Variants in BFSP1 observed in about 807,000 individuals in gnomAD.
The protein encoded by BFSP1 is filensin.
Under a neutral mutation model 43.9 loss-of-function variants are expected in BFSP1, and 38 were observed. That is an observed-to-expected ratio of 0.87 (90% CI 0.67 to 1.14). BFSP1 has a LOEUF of 1.14. Among genes scored for constraint, BFSP1 ranks in the 50% most tolerant of loss-of-function variants. The pLI is 0.00. For missense variants in BFSP1, 850 were observed against 875.1 expected (o/e 0.97, Z 0.36); for synonymous variants, 352 against 354.8 (o/e 0.99, Z 0.09).
At chr20:17,537,187 C>T (rs2034640994) in intron 1 of BFSP1, among the ~76,000 whole-genome samples, 1 of 152,206 alleles carries the variant, frequency 6.6e-6, no homozygotes, top group African/African-American at 2.4e-5. Flanking sequence ...AGCTTGAAGC[C>T]TTTCCACCAA....
chr20:17,533,276 G>T (rs1401802975), upstream of BFSP1, among the ~76,000 whole-genome samples: 1 of 152,096 alleles, frequency 6.6e-6, no homozygotes, highest in Admixed American at 6.5e-5. Flanking sequence ...ATTTTTGTAG[G>T]TGCACATATA....
chr20:17,553,661 G>A (rs1307077929), intron 1 of BFSP1, among the ~76,000 whole-genome samples: 1 of 151,162 alleles, frequency 6.6e-6, no homozygotes, highest in Non-Finnish European at 1.5e-5. Context: ...CAAGTGGGGT[G>A]GCAAACTACT....
In BFSP1 at chr20:17,494,023, T is replaced by C; in HGVS notation, c.*51A>G. ...TCATTTGCTCTAAAATATCAAAGCA[T>C]TACCCCTACAGTGGCCCCAAATACA... On this transcript the variant is annotated 3_prime_UTR_variant, in exon 8 of 8. Transcript: ENST00000377873. The C allele has an allele frequency of 6.8e-7, 1 of 1,464,546 alleles. No homozygotes were observed. Among genetic ancestry groups the C allele is most frequent in the Non-Finnish European group, 9.3e-7 (1 of 1,073,640 alleles). The allele number at this position is 1,464,546 out of a possible 1,614,324, so 90.7% of individuals were successfully genotyped here. A position where few individuals can be genotyped will look rare whatever the true frequency, so the allele number is the denominator to read the frequency against.
At chr20:17,519,049 G>A (rs2034263525) in intron 2 of BFSP1, among the ~76,000 whole-genome samples, 1 of 151,938 alleles carries the variant, frequency 6.6e-6, no homozygotes, top group Non-Finnish European at 1.5e-5. Context: ...AGGAGTATTG[G>A]GTGGATGTTG....
At chr20:17,515,020 A>C (rs1347047017) in intron 2 of BFSP1, among the ~76,000 whole-genome samples, 1 of 152,224 alleles carries the variant, frequency 6.6e-6, no homozygotes, top group Non-Finnish European at 1.5e-5. Flanking sequence ...GCAGTTCTCA[A>C]CAGAGGGTGA....
Position 17,531,038 on chromosome 20 carries a change from G to T in BFSP1, c.292C>A (p.Arg98Ser). 1 of 1,419,526 alleles carries T rather than the reference G, an allele frequency of 7.0e-7. No individual in the cohort carries two copies. Among genetic ancestry groups the T allele is most frequent in the Non-Finnish European group, 9.2e-7 (1 of 1,089,988 alleles). The allele number at this position is 1,419,526 out of a possible 1,614,324, so 87.9% of individuals were successfully genotyped here. A position where few individuals can be genotyped will look rare whatever the true frequency, so the allele number is the denominator to read the frequency against. ...CGCTCGGCCTCCAGGTCCCGGACGC[G>T]CTGGCGGTTGCTCTCGACTTGGCGG... Reference protein sequence around the residue: ...LARQVESNRQRVRDLEAERAR... With the variant: ...LARQVESNRQSVRDLEAERAR... Residue 98 changes from arginine to serine, a missense_variant, in exon 1 of 8, where the codon CGC becomes AGC. Arg to Ser is a moderately radical substitution (Grantham distance 110). Transcript: ENST00000377873.
intron 1 of BFSP1, among the ~76,000 whole-genome samples, chr20:17,568,618 G>C (rs759196825): frequency 2.0e-5 from 3 of 152,124 alleles, no homozygotes; most frequent in Non-Finnish European, 4.4e-5. Context: ...ACTTTTCCAG[G>C]TGATTCTGAT....
chr20:17,552,848 A>C (rs961667362), intron 1 of BFSP1, among the ~76,000 whole-genome samples: 8 of 152,212 alleles, frequency 5.3e-5, no homozygotes, highest in African/African-American at 1.9e-4. Context: ...TGAGAAGTTG[A>C]GATGTCTATG....
intron 1 of BFSP1, among the ~76,000 whole-genome samples, chr20:17,555,469 A>G (rs1240894442): frequency 6.6e-6 from 1 of 151,708 alleles, no homozygotes; most frequent in East Asian, 1.9e-4. Flanking sequence ...CCTGACCAAC[A>G]TTGTGATGTC....
At chr20:17,553,656 G>A (rs145104791) in intron 1 of BFSP1, among the ~76,000 whole-genome samples, 2,138 of 151,458 alleles carry the variant, frequency 0.014, 65 homozygotes, top group African/African-American at 0.049. Context: ...GGAGGCAAGT[G>A]GGGTGGCAAA....
At chr20:17,564,455 T>G (rs2035097752) in intron 1 of BFSP1, among the ~76,000 whole-genome samples, 1 of 152,146 alleles carries the variant, frequency 6.6e-6, no homozygotes, top group African/African-American at 2.4e-5. Flanking sequence ...CTTCTATGTG[T>G]GAAGTAAACC....
At chr20:17,495,683 C>T (rs146665560) in intron 7 of BFSP1, among the ~76,000 whole-genome samples, 1 of 152,346 alleles carries the variant, frequency 6.6e-6, no homozygotes, top group Non-Finnish European at 1.5e-5. Context: ...GCCCCAAGTC[C>T]ACCCTCCTGC....
intron 2 of BFSP1, among the ~76,000 whole-genome samples, chr20:17,521,109 A>G (rs73902012): frequency 0.013 from 2,033 of 152,222 alleles, 48 homozygotes; most frequent in African/African-American, 0.046. Flanking sequence ...TCATACGTAT[A>G]TATTTGGTGA....
At chr20:17,523,302 A>G (rs1271664223) in intron 2 of BFSP1, among the ~76,000 whole-genome samples, 2 of 152,132 alleles carry the variant, frequency 1.3e-5, no homozygotes, top group Non-Finnish European at 2.9e-5. Flanking sequence ...AAGAGTACCC[A>G]GGATGGCACT....
At chr20:17,537,883 C>A (rs1192558143) in intron 1 of BFSP1, among the ~76,000 whole-genome samples, 1 of 151,848 alleles carries the variant, frequency 6.6e-6, no homozygotes, top group East Asian at 1.9e-4. Flanking sequence ...TTTGGGAGGT[C>A]GAGGCAGGAG....
At chr20:17,521,942 G>A (rs1383846360) in intron 2 of BFSP1, among the ~76,000 whole-genome samples, 4 of 152,224 alleles carry the variant, frequency 2.6e-5, no homozygotes, top group Non-Finnish European at 4.4e-5. Flanking sequence ...CACAGCAACT[G>A]AGGGTTGTTC....
Position 17,494,903 on chromosome 20 carries a change from G to A in BFSP1, c.1169C>T (p.Pro390Leu). The A allele has an allele frequency of 6.2e-7, 1 of 1,614,044 alleles. No homozygotes were observed. The change falls in exon 8 of 8, where the codon CCA becomes CTA. Residue 390 changes from proline to leucine, a missense_variant. Pro to Leu is a moderately conservative substitution (Grantham distance 98, BLOSUM62 -3). Transcript: ENST00000377873. Reference sequence around the variant, plus strand: ...CTTTGTGTCTTCCAAACCTTTTAATGGTGCATCTTCCAGAGCTCCGTTGGT... The same window carrying A: ...CTTTGTGTCTTCCAAACCTTTTAATAGTGCATCTTCCAGAGCTCCGTTGGT... ...DKTNGALEDA[P>L]LKGLEDTKLV...
rs541604121 is a variant in BFSP1, at chr20:17,503,180, T to G, written c.736-4140A>C. 1.3e-4 allele frequency among the ~76,000 whole-genome samples: 19 copies of G among 151,702 alleles called. No homozygotes were observed. In the South Asian group the frequency reaches 3.9e-3, roughly 31 times the overall value. On this transcript the variant is annotated intron_variant, in intron 5 of 7. Coordinates refer to ENST00000377873, the MANE Select transcript of BFSP1 (RefSeq NM_001195.5). ...CTGAGACCACAGGTGAATGCCACCA[T>G]GCCCAGCCAATTAAAAAAAAATTTT... is the stretch of plus-strand genomic sequence containing the variant.
exon 1 of BFSP1, chr20:17,558,752 G>A: frequency 6.5e-7 from 1 of 1,549,708 alleles, no homozygotes; most frequent in Non-Finnish European, 8.7e-7. Context: ...CACATCCAAG[G>A]TGTGCTGCCT....
Sources: allele counts gnomAD v4.1 joint callset (sites outside exome capture counted in the v4.1 genomes callset), GRCh38; gene constraint gnomAD v4.1.1; transcripts MANE v1.5; gene names NCBI Gene and HGNC (gene_info 2026-07-23, HGNC 2026-07-21).